The following MTMR10 variants were observed in gnomAD, a reference collection of about 807,000 sequenced individuals.
MTMR10 encodes myotubularin related protein 10, also known as myotubularin-related protein 10.
A neutral mutation model predicts 88.1 loss-of-function variants in MTMR10; 56 were observed. The ratio of observed to expected loss-of-function variants is 0.64; its 90% CI spans 0.51 to 0.79. MTMR10 has a LOEUF of 0.79. Ranked by LOEUF, MTMR10 falls within the 30% of genes least tolerant of loss-of-function variation. MTMR10 has a pLI of 0.00. For missense variants in MTMR10, 883 were observed against 924.7 expected, an observed-to-expected ratio of 0.95 and a Z score of 0.58; for synonymous variants, 380 against 340.9, an observed-to-expected ratio of 1.11 and a Z score of -1.26.
chr15:30,972,939 T>C (rs1285832107), intron 5 of MTMR10, among the ~76,000 whole-genome samples: 5 of 152,308 alleles, frequency 3.3e-5, no homozygotes, highest in African/African-American at 1.2e-4. Flanking sequence ...CTTAGGAATA[T>C]GCTGTCCTAA....
chr15:30,929,397 G>A, the MTMR10 span: 1 of 1,597,180 alleles, frequency 6.3e-7, no homozygotes, highest in Non-Finnish European at 8.5e-7. Flanking sequence ...AGCAAGCTCA[G>A]GTAATGGTTC....
At chr15:30,965,103 T>C (rs1445397717) in intron 6 of MTMR10, among the ~76,000 whole-genome samples, 4 of 152,224 alleles carry the variant, frequency 2.6e-5, no homozygotes, top group African/African-American at 9.6e-5. Context: ...GCTGCATTTC[T>C]AAAGGTTCCT....
intron 2 of MTMR10, among the ~76,000 whole-genome samples, chr15:30,988,431 G>A (rs572047339): frequency 6.6e-6 from 1 of 152,276 alleles, no homozygotes; most frequent in East Asian, 1.9e-4. Flanking sequence ...AATTAACACA[G>A]GTCAGAGAAT....
In MTMR10 at chr15:30,940,064, T is replaced by C. The variant is rs2062986590; in HGVS notation, c.*1406A>G. The C allele has an allele frequency of 1.0e-6, 1 of 982,212 alleles. No homozygotes were observed. 60.8% of individuals were successfully genotyped at this position (982,212 alleles called of 1,614,324 possible). A position where few individuals can be genotyped will look rare whatever the true frequency, so the allele number is the denominator to read the frequency against. ...ACAGTTATCTTGAAAACACTTGTTT[T>C]AGAAAAGGAAATAAGCTAACTAGAC... On this transcript the variant is annotated 3_prime_UTR_variant, in exon 16 of 16. Transcript: ENST00000435680.
At chr15:30,923,345 G>A in the MTMR10 span, among the ~76,000 whole-genome samples, 1 of 152,142 alleles carries the variant, frequency 6.6e-6, no homozygotes, top group African/African-American at 2.4e-5. Context: ...GAAGGAGAAA[G>A]CTTGTGTTTC....
chr15:30,968,598 G>A (rs541503768), intron 5 of MTMR10, among the ~76,000 whole-genome samples: 148 of 148,734 alleles, frequency 1.0e-3, no homozygotes, highest in Non-Finnish European at 1.5e-3. Context: ...AAGTAAAATG[G>A]TTTGGGACTG....
chr15:30,954,344 G>A (rs913900751), intron 10 of MTMR10, among the ~76,000 whole-genome samples: 13 of 152,156 alleles, frequency 8.5e-5, no homozygotes, highest in Non-Finnish European at 1.3e-4. Context: ...CACCTGGTAC[G>A]TTTGCTCAGA....
chr15:30,984,702 T>C (rs867707734), intron 2 of MTMR10, among the ~76,000 whole-genome samples: 1 of 152,212 alleles, frequency 6.6e-6, no homozygotes, highest in Non-Finnish European at 1.5e-5. Context: ...CAAAAGACTC[T>C]GACAATCACT....
At chr15:30,944,027 A>T in intron 14 of MTMR10, 1 of 984,066 alleles carries the variant, frequency 1.0e-6, no homozygotes, top group Non-Finnish European at 1.2e-6. Context: ...CTACCAAAAA[A>T]AAACCCCCAA....
At chr15:30,973,131 T>C (rs1379383638) in intron 5 of MTMR10, among the ~76,000 whole-genome samples, 5 of 152,194 alleles carry the variant, frequency 3.3e-5, no homozygotes, top group East Asian at 1.9e-4. Context: ...AGTCCTTCTA[T>C]ATAATAGGCA....
the MTMR10 span, chr15:30,928,186 G>T: frequency 2.0e-6 from 2 of 1,020,514 alleles, no homozygotes; most frequent in South Asian, 3.8e-5. Flanking sequence ...TTCTGTGCCA[G>T]CCCAGCCCTG....
In MTMR10 at chr15:30,940,608, T is replaced by TGGCA. The variant is rs2063012495; in HGVS notation, c.*858_*861dup. The TGGCA allele has an allele frequency of 1.0e-6, 1 of 985,360 alleles. No homozygotes were observed. The highest frequency in any genetic ancestry group is 1.7e-5 in the African/African-American group (1 of 57,200). 61.0% of individuals were successfully genotyped at this position (985,360 alleles called of 1,614,324 possible). A position where few individuals can be genotyped will look rare whatever the true frequency, so the allele number is the denominator to read the frequency against. ...TTTTGAGGGCGAGTTTTGGCATAGA[T>TGGCA]GGCACTCTCCTGTCTACAGCATACA... is the stretch of plus-strand genomic sequence containing the variant. On this transcript the variant is annotated 3_prime_UTR_variant, in exon 16 of 16. Coordinates refer to ENST00000435680, the MANE Select transcript of MTMR10 (RefSeq NM_017762.3).
intron 12 of MTMR10, chr15:30,949,045 A>G (rs2063208552): frequency 6.6e-6 from 1 of 152,382 alleles, no homozygotes; most frequent in Non-Finnish European, 1.5e-5. Flanking sequence ...GAGTAAACCA[A>G]ATTATCCAGG....
intron 9 of MTMR10, among the ~76,000 whole-genome samples, chr15:30,957,735 G>C (rs1316297217): frequency 1.3e-5 from 2 of 152,150 alleles, no homozygotes; most frequent in African/African-American, 4.8e-5. Flanking sequence ...GTGCCAAGTG[G>C]GTAAGCGTGG....
Position 30,939,570 on chromosome 15 carries a change from T to TA in MTMR10, c.*1899dup, listed in dbSNP as rs1219339178. On this transcript the variant is annotated 3_prime_UTR_variant, in exon 16 of 16. Transcript: ENST00000435680. ...TTTACATTTGATTATCATACAAAAA[T>TA]ATGCATTTTTCTATTTTTAACCATT... 8 of 961,420 alleles carry TA rather than the reference T, an allele frequency of 8.3e-6. No homozygotes were observed. The highest frequency in any genetic ancestry group is 9.9e-6 in the Non-Finnish European group (8 of 808,238). The allele number at this position is 961,420 out of a possible 1,614,324, so 59.6% of individuals were successfully genotyped here. A position where few individuals can be genotyped will look rare whatever the true frequency, so the allele number is the denominator to read the frequency against.
At chr15:30,943,186 A>G in intron 14 of MTMR10, 114 bp from the exon 15 acceptor site, 1 of 1,427,930 alleles carries the variant, frequency 7.0e-7, no homozygotes, top group Non-Finnish European at 9.1e-7. Context: ...GCAGCCCTCA[A>G]AACCCACCAG....
chr15:30,922,527 C>G, the MTMR10 span, among the ~76,000 whole-genome samples: 1 of 152,140 alleles, frequency 6.6e-6, no homozygotes, highest in Non-Finnish European at 1.5e-5. Flanking sequence ...GGGATGCCAG[C>G]ACAGCATGAG....
chr15:30,987,386 A>C (rs1463929418), intron 2 of MTMR10, among the ~76,000 whole-genome samples: 1 of 152,252 alleles, frequency 6.6e-6, no homozygotes, highest in Non-Finnish European at 1.5e-5. Context: ...TCAGAGTTTC[A>C]TGTATCAGGA....
At chr15:30,951,384 T>C (rs2063243477) in intron 12 of MTMR10, among the ~76,000 whole-genome samples, 1 of 152,164 alleles carries the variant, frequency 6.6e-6, no homozygotes, top group Non-Finnish European at 1.5e-5. Context: ...AAATTAACAC[T>C]AAGTATTAAT....
Sources: gnomAD v4.1 joint callset for allele counts (sites outside exome capture counted in the v4.1 genomes callset) on GRCh38, gnomAD v4.1.1 for gene constraint, MANE v1.5 for transcripts, NCBI Gene and HGNC (gene_info 2026-07-23, HGNC 2026-07-21) for gene names.